The following CX3CR1 variants were observed in gnomAD, a reference collection of about 807,000 sequenced individuals.
CX3CR1 encodes C-X3-C motif chemokine receptor 1.
For synonymous variants in CX3CR1, 168 were observed against 178.5 expected (o/e 0.94, Z 0.47); for missense variants, 363 against 432.4 (o/e 0.84, Z 1.42).
the CX3CR1 span, chr3:39,286,751 TAA>T: frequency 6.6e-6 from 1 of 151,934 alleles, no homozygotes; most frequent in Non-Finnish European, 1.5e-5. Context: ...TAGCTCCTGA[TAA>T]ACTCTCTCAG....
intron 1 of CX3CR1, among the ~76,000 whole-genome samples, chr3:39,272,753 G>C (rs2125553296): frequency 6.6e-6 from 1 of 152,284 alleles, no homozygotes; most frequent in South Asian, 2.1e-4. Flanking sequence ...TGTACCAAAT[G>C]AGAGTAGAGA....
intron 1 of CX3CR1, among the ~76,000 whole-genome samples, chr3:39,278,281 G>A (rs530388651): frequency 6.6e-6 from 1 of 152,342 alleles, no homozygotes; most frequent in African/African-American, 2.4e-5. Context: ...CCACACTGAA[G>A]TTGGGCTGAG....
chr3:39,278,666 T>C (rs2040866175), intron 1 of CX3CR1, among the ~76,000 whole-genome samples: 1 of 148,496 alleles, frequency 6.7e-6, no homozygotes, highest in African/African-American at 2.5e-5. Context: ...TTTTTTTTTT[T>C]TTTTTTTGTG....
upstream of CX3CR1, among the ~76,000 whole-genome samples, chr3:39,285,672 A>AT (rs141786925): frequency 0.017 from 2,593 of 152,304 alleles, 68 homozygotes; most frequent in African/African-American, 0.059. Context: ...AGTATATGTC[A>AT]TTTTTTAAAA....
intron 1 of CX3CR1, among the ~76,000 whole-genome samples, chr3:39,274,360 G>A (rs1402623740): frequency 2.6e-5 from 4 of 151,224 alleles, no homozygotes; most frequent in Admixed American, 6.6e-5. Context: ...CCCTATGCAA[G>A]TAAATTCAGT....
chr3:39,276,369 C>T (rs1268114506), intron 1 of CX3CR1, among the ~76,000 whole-genome samples: 1 of 152,210 alleles, frequency 6.6e-6, no homozygotes, highest in Non-Finnish European at 1.5e-5. Flanking sequence ...CCTTTTATTG[C>T]CTGAGCTAAT....
chr3:39,265,694 C>T lies in CX3CR1; in HGVS notation c.816G>A (p.Arg272=). 1 of 1,614,160 alleles carries T rather than the reference C, an allele frequency of 6.2e-7. No individual in the cohort carries two copies. ...FPSCDMRKDL[R]LALSVTETVA... is the part of the protein sequence containing the mutation. ...CCGTCTCAGTCACACTGAGGGCCAG[C>T]CTCAGATCCTTCCTCATGTCACAAC... The change falls in exon 2 of 2, where the codon AGG becomes AGA. Residue 272 remains arginine (R), a synonymous_variant. Transcript: ENST00000399220.
chr3:39,272,789 C>A (rs1224768391), intron 1 of CX3CR1, among the ~76,000 whole-genome samples: 2 of 152,196 alleles, frequency 1.3e-5, no homozygotes, highest in African/African-American at 4.8e-5. Flanking sequence ...CCAACCCAAA[C>A]TTTCCTTATG....
chr3:39,274,941 C>T (rs2040822109), intron 1 of CX3CR1, among the ~76,000 whole-genome samples: 1 of 151,850 alleles, frequency 6.6e-6, no homozygotes, highest in African/African-American at 2.4e-5. Flanking sequence ...GGCTCACTGC[C>T]ACCTCCACCT....
At chr3:39,289,277 G>A in the CX3CR1 span, among the ~76,000 whole-genome samples, 76 of 152,210 alleles carry the variant, frequency 5.0e-4, no homozygotes, top group African/African-American at 1.2e-3. Flanking sequence ...TCTGTGTTCC[G>A]GGGATACAAA....
the CX3CR1 span, among the ~76,000 whole-genome samples, chr3:39,292,666 G>A: frequency 1.3e-5 from 2 of 152,172 alleles, no homozygotes; most frequent in African/African-American, 4.8e-5. Flanking sequence ...CTCCAGCAAT[G>A]CTAGTAATTG....
At position 39,265,569 on chromosome 3, in the gene CX3CR1, A is replaced by G. The variant is rs1456878846; in HGVS notation, c.941T>C (p.Val314Ala). The G allele has an allele frequency of 6.2e-7, 1 of 1,614,222 alleles. No homozygotes were observed. Among genetic ancestry groups the G allele is most frequent in the Non-Finnish European group, 8.5e-7 (1 of 1,180,042 alleles). ...LYHLYGKCLA[V>A]LCGRSVHVDF... Reference sequence around the variant, plus strand: ...AACGTGGACTGAGCGCCCACACAGGACAGCCAGGCATTTCCCATACAGGTG... The same window carrying G: ...AACGTGGACTGAGCGCCCACACAGGGCAGCCAGGCATTTCCCATACAGGTG... Residue 314 changes from valine (V) to alanine (A), a missense_variant, in exon 2 of 2, where the codon GTC becomes GCC. By Grantham distance (64) the Val-to-Ala change is moderately conservative. Coordinates refer to ENST00000399220, the MANE Select transcript of CX3CR1 (RefSeq NM_001337.4).
At chr3:39,282,917 G>A (rs952533609), upstream of CX3CR1, among the ~76,000 whole-genome samples, 3 of 151,914 alleles carry the variant, frequency 2.0e-5, no homozygotes, top group African/African-American at 7.3e-5. Flanking sequence ...TTTCAGACAG[G>A]GTCTGGCTCT....
chr3:39,272,383 G>T (rs1400838676), intron 1 of CX3CR1, among the ~76,000 whole-genome samples: 2 of 152,240 alleles, frequency 1.3e-5, no homozygotes, highest in South Asian at 4.1e-4. Flanking sequence ...TCACATCCGT[G>T]GCTGATCCTG....
At chr3:39,268,328 C>T (rs1197059562) in intron 1 of CX3CR1, among the ~76,000 whole-genome samples, 4 of 152,278 alleles carry the variant, frequency 2.6e-5, no homozygotes, top group Non-Finnish European at 2.9e-5. Flanking sequence ...CTGGCTGTGA[C>T]GTTAATTAAT....
At chr3:39,273,515 A>G (rs2125553688) in intron 1 of CX3CR1, among the ~76,000 whole-genome samples, 1 of 152,306 alleles carries the variant, frequency 6.6e-6, no homozygotes, top group African/African-American at 2.4e-5. Context: ...TGGCTGAGAG[A>G]CCCTGGGCAG....
rs149774794 is a variant in CX3CR1, at chr3:39,267,203, G to T, written c.-9-685C>A. Among the ~76,000 whole-genome samples, 5 of 152,238 alleles carry T rather than the reference G, an allele frequency of 3.3e-5. No homozygotes were observed. In the East Asian group the frequency reaches 7.7e-4, roughly 24 times the overall value. ...AGAAAGGGAGAACCATGAGCAGGAG[G>T]GGGAGGGGGGTGAGATGGGGTGAAT... On this transcript the variant is annotated intron_variant, in intron 1 of 1. Transcript: ENST00000399220.
chr3:39,281,493 C>A (rs567686774), upstream of CX3CR1: 31 of 929,382 alleles, frequency 3.3e-5, no homozygotes, highest in Admixed American at 6.4e-5. Context: ...ATCCACCCCA[C>A]ATCAGTAATC....
chr3:39,286,580 A>G (rs2125559398), upstream of CX3CR1: 1 of 145,678 alleles, frequency 6.9e-6, no homozygotes, highest in South Asian at 2.3e-4. Context: ...GAACCCGGGA[A>G]GCGGAGCTTG....
Sources: gnomAD v4.1 joint callset for allele counts (sites outside exome capture counted in the v4.1 genomes callset) on GRCh38, gnomAD v4.1.1 for gene constraint, MANE v1.5 for transcripts, NCBI Gene and HGNC (gene_info 2026-07-23, HGNC 2026-07-21) for gene names.